The following PHKA2 variants were observed in gnomAD, a reference collection of about 807,000 sequenced individuals.
PHKA2 encodes the protein phosphorylase b kinase regulatory subunit alpha, liver isoform.
In PHKA2, 31 loss-of-function variants were observed where a neutral mutation model predicts 102.0. The observed-to-expected ratio is 0.30, with a 90% CI of 0.23 to 0.41. PHKA2 has a LOEUF of 0.41. PHKA2 is among the 10% of genes least tolerant of loss of function. The pLI is 1.00. For synonymous variants in PHKA2, 455 were observed against 416.2 expected (o/e 1.09, Z -1.13); for missense variants, 858 against 1,023.1 (o/e 0.84, Z 2.20).
chrX:18,938,249 T>C (rs1218423938), intron 10 of PHKA2, among the ~76,000 whole-genome samples: 1 of 113,012 alleles, frequency 8.8e-6, no homozygotes. Context: ...AAGCCCAAGC[T>C]AGCCATGTGG....
chrX:18,934,003 AC>A (rs1194420850), intron 11 of PHKA2, among the ~76,000 whole-genome samples: 1 of 112,102 alleles, frequency 8.9e-6, no homozygotes, highest in East Asian at 2.8e-4. Context: ...GCTCTTCTCT[AC>A]CATAGAATAA....
intron 19 of PHKA2, chrX:18,915,268 G>C (rs1430040023): frequency 9.1e-6 from 1 of 110,440 alleles, no homozygotes; most frequent in Non-Finnish European, 1.9e-5. Flanking sequence ...GCTTGGGCCT[G>C]GGAGGTGAAG....
In PHKA2 at chrX:18,980,254, C is replaced by G. The variant is rs147639317; in HGVS notation, c.78+3601G>C. Among the ~76,000 whole-genome samples the G allele has an allele frequency of 6.1e-3, 691 of 112,731 alleles. 6 individuals carry two copies. Among genetic ancestry groups the G allele is most frequent in the African/African-American group, 0.02 (632 of 31,073 alleles). On this transcript the variant is annotated intron_variant, in intron 1 of 32. Transcript: ENST00000379942. ...CCACTGAGATAGCCTGAGATATGGC[C>G]TCATGGGACGGGAAAGACCTGACAG...
intron 17 of PHKA2, among the ~76,000 whole-genome samples, chrX:18,923,514 A>T (rs1450905184): frequency 1.8e-5 from 2 of 112,016 alleles, no homozygotes; most frequent in Non-Finnish European, 3.8e-5. Context: ...ATACCTGGGT[A>T]CGTCTTCCCT....
intron 4 of PHKA2, among the ~76,000 whole-genome samples, chrX:18,950,437 A>T (rs2048661561): frequency 9.0e-6 from 1 of 111,078 alleles, no homozygotes; most frequent in Non-Finnish European, 1.9e-5. Context: ...ACTAGGAGAG[A>T]GTGACAGTAA....
chrX:18,908,720 G>A (rs1386635267), intron 21 of PHKA2, 81 bp downstream of exon 21: 2 of 891,737 alleles, frequency 2.2e-6, no homozygotes, highest in South Asian at 2.0e-5. Context: ...CCGGAACTGT[G>A]AGAAATTCAT....
At chrX:18,952,410 C>G in intron 3 of PHKA2, 84 bp downstream of exon 3, 1 of 783,056 alleles carries the variant, frequency 1.3e-6, no homozygotes, top group East Asian at 3.5e-5. Context: ...AAGAAAAGTA[C>G]AAAACGTCTT....
chrX:18,983,449 C>A (rs2049208381), intron 1 of PHKA2, among the ~76,000 whole-genome samples: 1 of 112,455 alleles, frequency 8.9e-6, no homozygotes, highest in Non-Finnish European at 1.9e-5. Flanking sequence ...GTAGCTGTCG[C>A]CCCACACTGC....
At chrX:18,898,249 A>G (rs2057564299) in intron 29 of PHKA2, 1 of 112,520 alleles carries the variant, frequency 8.9e-6, no homozygotes, top group Admixed American at 9.3e-5. Flanking sequence ...TCCCACCTCA[A>G]CATTGGCTGG....
At chrX:18,948,978 CAGTG>C in intron 4 of PHKA2, 152 bp from the exon 5 acceptor site, 1 of 429,856 alleles carries the variant, frequency 2.3e-6, no homozygotes, top group Non-Finnish European at 4.3e-6. Flanking sequence ...TAAGGCATAA[CAGTG>C]AGTGTCTAAT....
chrX:18,954,019 T>C (rs2048737971), intron 2 of PHKA2, among the ~76,000 whole-genome samples: 1 of 111,547 alleles, frequency 9.0e-6, no homozygotes, highest in South Asian at 3.7e-4. Flanking sequence ...TTTCATTTTC[T>C]ATTTGGTGTG....
intron 4 of PHKA2, 64 bp from the exon 5 acceptor site, chrX:18,948,890 A>T: frequency 1.4e-6 from 1 of 722,621 alleles, no homozygotes. Flanking sequence ...CACAAATTAC[A>T]AATATCACAC....
chrX:18,961,300 T>C (rs1258437274), intron 1 of PHKA2, among the ~76,000 whole-genome samples: 2 of 112,508 alleles, frequency 1.8e-5, no homozygotes, highest in Non-Finnish European at 3.7e-5. Context: ...TTTAAAAGTA[T>C]AGACATTCTC....
At chrX:18,934,033 C>A (rs906981503) in intron 11 of PHKA2, among the ~76,000 whole-genome samples, 1 of 111,967 alleles carries the variant, frequency 8.9e-6, no homozygotes, top group African/African-American at 3.2e-5. Context: ...CCCCTGAAGG[C>A]ACTTATTTTC....
intron 19 of PHKA2, among the ~76,000 whole-genome samples, chrX:18,912,704 G>A (rs1407645887): frequency 9.1e-6 from 1 of 110,235 alleles, no homozygotes; most frequent in African/African-American, 3.3e-5. Flanking sequence ...CCTGAGGTCG[G>A]GAGTTCAAGA....
chrX:18,896,125 T>G (rs2047547633), intron 30 of PHKA2: 1 of 112,395 alleles, frequency 8.9e-6, no homozygotes, highest in Non-Finnish European at 1.9e-5. Flanking sequence ...TCACTGGGAT[T>G]ATTTTTTCTC....
At chrX:18,926,416 C>T in intron 14 of PHKA2, 37 bp downstream of exon 14, 6 of 1,132,781 alleles carry the variant, frequency 5.3e-6, no homozygotes, top group Non-Finnish European at 7.3e-6. Flanking sequence ...GAGATGCCCC[C>T]ATGCCAAAAA....
intron 5 of PHKA2, among the ~76,000 whole-genome samples, chrX:18,946,260 G>C (rs1249330247): frequency 1.8e-5 from 2 of 110,590 alleles, no homozygotes; most frequent in Non-Finnish European, 3.8e-5. Context: ...ATTGAGACTC[G>C]GGCATCCTAG....
intron 30 of PHKA2, chrX:18,895,459 G>C (rs1460677092): frequency 7.8e-6 from 3 of 386,476 alleles, no homozygotes; most frequent in African/African-American, 7.6e-5. Context: ...AGTCCTCCCG[G>C]GAGGCTCCGC....
Sources: allele counts gnomAD v4.1 joint callset (sites outside exome capture counted in the v4.1 genomes callset), GRCh38; gene constraint gnomAD v4.1.1; transcripts MANE v1.5; gene names NCBI Gene and HGNC (gene_info 2026-07-23, HGNC 2026-07-21).